The following SEZ6L variants were observed in gnomAD, a reference collection of about 807,000 sequenced individuals.
SEZ6L encodes seizure related 6 homolog like.
SEZ6L carries 37 observed loss-of-function variants against 106.2 expected under a neutral mutation model. The observed-to-expected ratio is 0.35, with a 90% CI of 0.27 to 0.46. The LOEUF is 0.46. Among genes scored for constraint, SEZ6L ranks in the 20% least tolerant of loss-of-function variants. SEZ6L has a pLI of 1.00. For synonymous variants in SEZ6L, 541 were observed against 570.4 expected, an observed-to-expected ratio of 0.95 and a Z score of 0.73; for missense variants, 1,172 against 1,332.8, an observed-to-expected ratio of 0.88 and a Z score of 1.88.
At chr22:26,293,357 G>A (rs923044720) in intron 2 of SEZ6L, among the ~76,000 whole-genome samples, 1 of 152,214 alleles carries the variant, frequency 6.6e-6, no homozygotes, top group African/African-American at 2.4e-5. Flanking sequence ...TAGCAAAGGG[G>A]TCTTGATCTT....
chr22:26,183,141 C>T (rs1038012984), intron 1 of SEZ6L, among the ~76,000 whole-genome samples: 4 of 152,234 alleles, frequency 2.6e-5, no homozygotes, highest in Non-Finnish European at 5.9e-5. Flanking sequence ...AGGTGCCTTA[C>T]AGCCATTTGA....
chr22:26,310,910 A>G, intron 7 of SEZ6L, 74 bp downstream of exon 7: 1 of 1,473,564 alleles, frequency 6.8e-7, no homozygotes, highest in South Asian at 1.2e-5. Flanking sequence ...GCATGGGGAG[A>G]TAGAAATCTG....
intron 12 of SEZ6L, among the ~76,000 whole-genome samples, chr22:26,361,515 AAAAAAAT>A (rs1321187029): frequency 1.6e-4 from 22 of 136,944 alleles, no homozygotes; most frequent in African/African-American, 5.7e-4. Flanking sequence ...TCAAAAAAAA[AAAAAAAT>A]ATATATATAT....
At chr22:26,334,849 C>T (rs5761480) in intron 9 of SEZ6L, among the ~76,000 whole-genome samples, 64,670 of 151,854 alleles carry the variant, frequency 0.43, 14,211 homozygotes, top group Admixed American at 0.51. Context: ...CCTACAGGAT[C>T]CTCCCAGAAG....
chr22:26,289,385 CA>C (rs1488717958), intron 1 of SEZ6L, among the ~76,000 whole-genome samples: 5 of 152,204 alleles, frequency 3.3e-5, no homozygotes, highest in Admixed American at 6.5e-5. Context: ...TGGTCTAATC[CA>C]ACAAGGTAGA....
chr22:26,375,665 G>A lies in SEZ6L; in HGVS notation c.2918G>A (p.Gly973Glu). Residue 973 changes from glycine (G) to glutamate (E), a missense_variant, in exon 15 of 17, where the codon GGA becomes GAA. Transcript: ENST00000248933. ...IPVLIISLLLGGAYIYITRCR... is the reference protein window; with the variant it reads ...IPVLIISLLLEGAYIYITRCR... ...GTCCTCATCATCTCCTTACTGCTGG[G>A]AGGAGCCTACATTTACATCACAAGG... 1.2e-6 allele frequency: 2 copies of A among 1,613,792 alleles called. No individual in the cohort carries two copies. The highest frequency in any genetic ancestry group is 1.7e-6 in the Non-Finnish European group (2 of 1,179,748).
chr22:26,258,357 C>T (rs1023007286), intron 1 of SEZ6L, among the ~76,000 whole-genome samples: 2 of 152,176 alleles, frequency 1.3e-5, no homozygotes, highest in Non-Finnish European at 2.9e-5. Context: ...AAGAAGTGGG[C>T]AGGGAGTCAT....
rs892357824 is a variant in SEZ6L, at chr22:26,310,736, T to C, written c.1581T>C (p.Ser527=). The C allele has an allele frequency of 6.2e-7, 1 of 1,613,102 alleles. No homozygotes were observed. Among genetic ancestry groups the C allele is most frequent in the Non-Finnish European group, 8.5e-7 (1 of 1,179,672 alleles). ...ALLYDSLQTE[S]VPFEGLLSEG... ...TCTACGACTCCCTTCAAACCGAGAG[T>C]GTCCCTTTTGAGGGCCTGCTGAGCG... is the stretch of plus-strand genomic sequence containing the variant. The change falls in exon 7 of 17, where the codon AGT becomes AGC. Residue 527 remains serine (S), a synonymous_variant. Coordinates refer to ENST00000248933, the MANE Select transcript of SEZ6L (RefSeq NM_021115.5).
chr22:26,261,836 C>A (rs1047420132), intron 1 of SEZ6L, among the ~76,000 whole-genome samples: 3 of 152,104 alleles, frequency 2.0e-5, no homozygotes, highest in African/African-American at 7.2e-5. Context: ...AAAATTGATA[C>A]GAGTATTTTG....
intron 2 of SEZ6L, among the ~76,000 whole-genome samples, 163 bp downstream of exon 2, chr22:26,293,309 G>A (rs1023668204): frequency 5.9e-5 from 9 of 152,174 alleles, no homozygotes; most frequent in African/African-American, 2.2e-4. Flanking sequence ...AGAATTAATA[G>A]CCTCATTTCA....
intron 13 of SEZ6L, among the ~76,000 whole-genome samples, chr22:26,368,562 C>A (rs924999802): frequency 6.6e-6 from 1 of 152,126 alleles, no homozygotes; most frequent in African/African-American, 2.4e-5. Flanking sequence ...TCCATAGAGA[C>A]AGAAAGCAGA....
intron 1 of SEZ6L, among the ~76,000 whole-genome samples, chr22:26,279,373 G>T (rs888222657): frequency 6.6e-5 from 10 of 152,164 alleles, no homozygotes; most frequent in Admixed American, 4.6e-4. Context: ...GAAGAGGAGG[G>T]CTGGGGATCT....
At chr22:26,225,566 A>G (rs1164520218) in intron 1 of SEZ6L, among the ~76,000 whole-genome samples, 1 of 152,228 alleles carries the variant, frequency 6.6e-6, no homozygotes, top group Non-Finnish European at 1.5e-5. Context: ...AAGACAACTG[A>G]CAAAATGATG....
intron 9 of SEZ6L, among the ~76,000 whole-genome samples, chr22:26,321,015 G>A (rs2082138854): frequency 6.6e-6 from 1 of 152,192 alleles, no homozygotes; most frequent in Admixed American, 6.5e-5. Context: ...GAGAGAAGAT[G>A]GGCAGAGATG....
chr22:26,373,555 G>T, intron 14 of SEZ6L, 72 bp downstream of exon 14: 1 of 1,163,218 alleles, frequency 8.6e-7, no homozygotes, highest in South Asian at 1.4e-5. Context: ...GCAGGTCTTT[G>T]AATATCTTTA....
chr22:26,242,711 G>T (rs5761435), intron 1 of SEZ6L: 62,302 of 151,938 alleles, frequency 0.41, 13,457 homozygotes, highest in East Asian at 0.66. Context: ...TACACATAGT[G>T]GTTCTTGATG....
chr22:26,313,188 C>G (rs2081893127), intron 8 of SEZ6L, among the ~76,000 whole-genome samples: 1 of 152,226 alleles, frequency 6.6e-6, no homozygotes, highest in South Asian at 2.1e-4. Context: ...GCAACATTAT[C>G]TAAATTATCG....
chr22:26,370,374 C>T (rs1198482393), intron 13 of SEZ6L, among the ~76,000 whole-genome samples: 1 of 151,672 alleles, frequency 6.6e-6, no homozygotes, highest in Admixed American at 6.6e-5. Flanking sequence ...GACAGAACGA[C>T]ACTCCATCTC....
intron 1 of SEZ6L, among the ~76,000 whole-genome samples, chr22:26,243,633 C>T (rs180970297): frequency 6.6e-6 from 1 of 152,294 alleles, no homozygotes; most frequent in Non-Finnish European, 1.5e-5. Flanking sequence ...GGAGGGTTTT[C>T]AGCCATGGAG....
Sources: gnomAD v4.1 joint callset for allele counts (sites outside exome capture counted in the v4.1 genomes callset) on GRCh38, gnomAD v4.1.1 for gene constraint, MANE v1.5 for transcripts, NCBI Gene and HGNC (gene_info 2026-07-23, HGNC 2026-07-21) for gene names.